Variants in ROBO2 observed in about 807,000 individuals in gnomAD.
ROBO2 encodes roundabout guidance receptor 2.
A neutral mutation model predicts 160.8 loss-of-function variants in ROBO2; 53 were observed. That is an observed-to-expected ratio of 0.33 (90% CI 0.26 to 0.41). The LOEUF (loss-of-function observed/expected upper bound fraction) is 0.41, where lower values mean the gene tolerates loss of function less well. ROBO2 is among the 10% of genes least tolerant of loss of function. The pLI is 1.00. For missense variants in ROBO2, 1,577 were observed against 1,722.4 expected, an observed-to-expected ratio of 0.92 and a Z score of 1.49; for synonymous variants, 664 against 611.7, an observed-to-expected ratio of 1.09 and a Z score of -1.26.
chr3:77,461,127 T>C (rs1261728023), intron 2 of ROBO2, among the ~76,000 whole-genome samples: 1 of 152,196 alleles, frequency 6.6e-6, no homozygotes, highest in African/African-American at 2.4e-5. Context: ...TAAAAAATAA[T>C]ATGTTTTTAG....
At chr3:76,225,668 C>G (rs2324491) in intron 2 of ROBO2, among the ~76,000 whole-genome samples, 143 of 152,098 alleles carry the variant, frequency 9.4e-4, no homozygotes, top group African/African-American at 3.3e-3. Context: ...AAGCCAAGAT[C>G]GCACCACTGC....
intron 2 of ROBO2, among the ~76,000 whole-genome samples, chr3:76,949,190 C>T (rs1177340710): frequency 6.6e-6 from 1 of 151,844 alleles, no homozygotes; most frequent in Non-Finnish European, 1.5e-5. Flanking sequence ...ATACCTGAAG[C>T]TCTTAAAGAG....
At chr3:76,626,785 C>T (rs556611694) in intron 2 of ROBO2, among the ~76,000 whole-genome samples, 7 of 152,052 alleles carry the variant, frequency 4.6e-5, no homozygotes, top group African/African-American at 7.2e-5. Flanking sequence ...TTCCGCCTCC[C>T]GGGTTCACGT....
chr3:77,183,651 A>G (rs912976769), intron 2 of ROBO2, among the ~76,000 whole-genome samples: 2 of 152,040 alleles, frequency 1.3e-5, no homozygotes, highest in African/African-American at 4.8e-5. Flanking sequence ...TCGGCCACCC[A>G]GAATGTGGTA....
exon 1 of ROBO2, chr3:77,040,110 G>T: frequency 1.0e-6 from 1 of 983,606 alleles, no homozygotes; most frequent in Non-Finnish European, 1.2e-6. Context: ...GTAGGAGTTC[G>T]GATTCTCCAC....
intron 14 of ROBO2, 95 bp from the exon 16 acceptor site, chr3:77,577,395 C>G (rs1237676335): frequency 2.6e-6 from 4 of 1,529,540 alleles, no homozygotes; most frequent in Middle Eastern, 1.7e-4. Flanking sequence ...AAGCCAGAGT[C>G]TCCTGCAACT....
intron 1 of ROBO2, among the ~76,000 whole-genome samples, chr3:77,063,564 G>C (rs139956908): frequency 2.0e-5 from 3 of 152,092 alleles, no homozygotes; most frequent in African/African-American, 7.2e-5. Context: ...CTTTCTCCTG[G>C]ATTATAACTT....
chr3:76,725,814 C>T (rs751693072), intron 2 of ROBO2, among the ~76,000 whole-genome samples: 10 of 152,126 alleles, frequency 6.6e-5, no homozygotes, highest in Non-Finnish European at 1.5e-4. Flanking sequence ...TGTTTATTTC[C>T]CCTAGAGTAT....
At chr3:77,398,635 G>GT (rs2075513040) in intron 2 of ROBO2, among the ~76,000 whole-genome samples, 1 of 152,036 alleles carries the variant, frequency 6.6e-6, no homozygotes, top group South Asian at 2.1e-4. Context: ...TGGCTGGAGT[G>GT]TAATGGCATG....
At chr3:77,606,829 T>C (rs963283329) in intron 20 of ROBO2, among the ~76,000 whole-genome samples, 4 of 152,178 alleles carry the variant, frequency 2.6e-5, no homozygotes, top group African/African-American at 9.6e-5. Flanking sequence ...AGTAAGATTT[T>C]TGGCAGATAT....
At chr3:77,161,894 C>A (rs2150624013) in intron 2 of ROBO2, among the ~76,000 whole-genome samples, 1 of 151,958 alleles carries the variant, frequency 6.6e-6, no homozygotes, top group Admixed American at 6.5e-5. Flanking sequence ...CCATGTAATC[C>A]TCAAATTAAT....
intron 2 of ROBO2, among the ~76,000 whole-genome samples, chr3:76,267,685 G>A (rs1398404795): frequency 6.6e-6 from 1 of 151,872 alleles, no homozygotes; most frequent in East Asian, 1.9e-4. Context: ...AATTCTATTA[G>A]ACTAGTATTT....
intron 2 of ROBO2, among the ~76,000 whole-genome samples, chr3:76,207,992 C>T (rs563000631): frequency 2.7e-4 from 41 of 152,254 alleles, no homozygotes; most frequent in Admixed American, 3.9e-4. Flanking sequence ...CTTGTGAGAT[C>T]TGGTTGTTTA....
At position 77,131,357 on chromosome 3, in the gene ROBO2, A is replaced by G. The variant is rs1041397434; in HGVS notation, c.388+33017A>G. On this transcript the variant is annotated intron_variant, in intron 2 of 25. Coordinates refer to ENST00000461745, the Ensembl canonical transcript of ROBO2. ...TAGCTTGCTGTTTTGTTGTGTTCTAATGGCATTAGATGTTTCTAGATAAGT... is the reference window on the plus strand; with the variant it reads ...TAGCTTGCTGTTTTGTTGTGTTCTAGTGGCATTAGATGTTTCTAGATAAGT... Among the ~76,000 whole-genome samples, 6 of 152,164 alleles carry G rather than the reference A, an allele frequency of 3.9e-5. No homozygotes were observed. The East Asian group carries it at 1.2e-3, about 29-fold the overall frequency.
chr3:76,668,581 A>T (rs549380123), intron 2 of ROBO2, among the ~76,000 whole-genome samples: 3 of 152,234 alleles, frequency 2.0e-5, no homozygotes, highest in South Asian at 4.1e-4. Context: ...GGTTGAAGTA[A>T]CTCCTTTATT....
At chr3:76,580,649 A>G (rs1291619242) in intron 2 of ROBO2, among the ~76,000 whole-genome samples, 6 of 152,002 alleles carry the variant, frequency 3.9e-5, no homozygotes, top group African/African-American at 1.4e-4. Flanking sequence ...TAAATATGTC[A>G]TTATCTGAAA....
At chr3:76,288,333 C>A (rs753390656) in intron 2 of ROBO2, among the ~76,000 whole-genome samples, 1 of 152,078 alleles carries the variant, frequency 6.6e-6, no homozygotes, top group Non-Finnish European at 1.5e-5. Flanking sequence ...TTCTTTTCAA[C>A]AACAGAATTT....
intron 2 of ROBO2, among the ~76,000 whole-genome samples, chr3:76,356,517 G>A (rs1576630272): frequency 6.6e-6 from 1 of 151,360 alleles, no homozygotes; most frequent in Non-Finnish European, 1.5e-5. Context: ...GCAGGTATAT[G>A]AATACTTCAA....
At chr3:77,058,322 A>G (rs1418407489) in intron 1 of ROBO2, among the ~76,000 whole-genome samples, 6 of 152,188 alleles carry the variant, frequency 3.9e-5, no homozygotes, top group African/African-American at 1.4e-4. Flanking sequence ...CCAGCTAAAT[A>G]TAAGTAATAT....
Sources: gnomAD v4.1 joint callset for allele counts (sites outside exome capture counted in the v4.1 genomes callset) on GRCh38, gnomAD v4.1.1 for gene constraint, MANE v1.5 for transcripts, NCBI Gene and HGNC (gene_info 2026-07-23, HGNC 2026-07-21) for gene names.